The following MSH6 variants were observed in gnomAD, a reference collection of about 807,000 sequenced individuals.
The protein encoded by MSH6 is DNA mismatch repair protein Msh6.
Under a neutral mutation model 119.1 loss-of-function variants are expected in MSH6, and 85 were observed. The ratio of observed to expected loss-of-function variants is 0.71; its 90% CI spans 0.60 to 0.85. MSH6 has a LOEUF of 0.85. MSH6 is among the 40% of genes least tolerant of loss of function. The pLI is 0.00. For missense variants in MSH6, 2,163 were observed against 1,655.3 expected, an observed-to-expected ratio of 1.31 and a Z score of -5.32; for synonymous variants, 830 against 586.9, an observed-to-expected ratio of 1.41 and a Z score of -5.99.
At position 47,806,882 on chromosome 2, in the gene MSH6, G is replaced by C. The variant is rs2104588027; in HGVS notation, c.*22G>C. 1.3e-6 allele frequency: 2 copies of C among 1,556,270 alleles called. No individual in the cohort carries two copies. Among genetic ancestry groups the C allele is most frequent in the Non-Finnish European group, 1.8e-6 (2 of 1,128,222 alleles). The stretch of plus-strand genomic sequence containing the variant: ...ATAGACTGACTACATTGGAAGCTTT[G>C]AGTTGACTTCTGACAAAGGTGGTAA... On this transcript the variant is annotated 3_prime_UTR_variant, in exon 10 of 10. Transcript: ENST00000234420.
Position 47,800,558 on chromosome 2 carries a change from C to A in MSH6, c.2575C>A (p.Leu859Ile). The A allele has an allele frequency of 6.2e-7, 1 of 1,613,662 alleles. No homozygotes were observed. Among genetic ancestry groups the A allele is most frequent in the Non-Finnish European group, 8.5e-7 (1 of 1,179,954 alleles). ...TYSKKKIIDFLSALEGFKVMC... is the reference protein window; with the variant it reads ...TYSKKKIIDFISALEGFKVMC... ...CAGCAAGAAGAAGATTATTGATTTT[C>A]TTTCTGCTCTGGAAGGATTCAAAGT... Residue 859 changes from leucine (L) to isoleucine (I), a missense_variant, in exon 4 of 10, where the codon CTT (leucine) becomes ATT (isoleucine). Transcript: ENST00000234420.
rs267608139 is a variant in MSH6, at chr2:47,806,769, T to TA, written c.4002-8dup. 17 of 1,542,674 alleles carry TA rather than the reference T, an allele frequency of 1.1e-5. No individual in the cohort carries two copies. The African/African-American group carries it at 1.3e-4, about 12-fold the overall frequency. On this transcript the variant is annotated splice_polypyrimidine_tract_variant and intron_variant, in intron 9 of 9. Coordinates refer to ENST00000234420, the MANE Select transcript of MSH6 (RefSeq NM_000179.3). Reference sequence around the variant, plus strand: ...AAAAAAACTTTTTTTTTTTTTTTTTTAATTTTAAGGGAAGTTTGCCTGGCT... The same window carrying TA: ...AAAAAAACTTTTTTTTTTTTTTTTTTAAATTTTAAGGGAAGTTTGCCTGGCT...
rs780081278 is a variant in MSH6, at chr2:47,800,667, C to G, written c.2684C>G (p.Thr895Arg). Residue 895 changes from threonine (T) to arginine (R), a missense_variant, in exon 4 of 10, where the codon ACA becomes AGA. Physicochemically the swap from Thr to Arg is moderately conservative, Grantham distance 71. Coordinates refer to ENST00000234420, the MANE Select transcript of MSH6 (RefSeq NM_000179.3). ...KILKQVISLQ[T>R]KNPEGRFPDL... ...CTTAAGCAGGTCATCTCTCTGCAGA[C>G]AAAAAATCCTGAAGGTCGTTTTCCT... 4 of 1,614,112 alleles carry G rather than the reference C, an allele frequency of 2.5e-6. No individual in the cohort carries two copies. In the South Asian group the frequency reaches 3.3e-5, roughly 13 times the overall value.
intron 1 of MSH6, among the ~76,000 whole-genome samples, chr2:47,790,652 A>T (rs1668667475): frequency 6.6e-6 from 1 of 152,166 alleles, no homozygotes. Context: ...TTATACCAAA[A>T]TTCTGCCATG....
downstream of MSH6, chr2:47,809,740 C>G (rs768797614): frequency 1.4e-5 from 20 of 1,383,168 alleles, no homozygotes; most frequent in Non-Finnish European, 2.0e-5. Context: ...GTAGATACAT[C>G]ACTTTATACT....
downstream of MSH6, chr2:47,808,892 TC>T: frequency 3.1e-6 from 1 of 325,446 alleles, no homozygotes; most frequent in Non-Finnish European, 5.6e-6. Flanking sequence ...AGACAGGGTC[TC>T]CCTATGTTGC....
At chr2:47,794,729 T>C (rs1476300595) in intron 2 of MSH6, among the ~76,000 whole-genome samples, 2 of 152,176 alleles carry the variant, frequency 1.3e-5, no homozygotes, top group Middle Eastern at 3.2e-3. Flanking sequence ...CTAGTTGTCT[T>C]TGGGACAAAC....
intron 6 of MSH6, 65 bp from the exon 7 acceptor site, chr2:47,805,553 G>A (rs184719629): frequency 9.5e-7 from 1 of 1,051,662 alleles, no homozygotes; most frequent in Non-Finnish European, 1.5e-6. Flanking sequence ...ATATAACCTA[G>A]AAGATGAATT....
chr2:47,804,934 CAG>C lies in MSH6; in HGVS notation c.3465_3466del (p.Gln1155HisfsTer8), dbSNP rs757961815. 6.2e-7 allele frequency: 1 copy of C among 1,614,060 alleles called. No homozygotes were observed. The highest frequency in any genetic ancestry group is 8.5e-7 in the Non-Finnish European group (1 of 1,179,980). ...RQAGLLAVMA[Q>X]MGCYVPAEVC... ...GGCTGGCTTATTAGCTGTAATGGCC[CAG>C]ATGGGTTGTTACGTCCCTGCTGAAG... On this transcript the variant is annotated frameshift_variant, in exon 6 of 10. Transcript: ENST00000234420. LOFTEE classifies it high-confidence loss of function.
chr2:47,802,843 C>T (rs908004140), intron 4 of MSH6, among the ~76,000 whole-genome samples: 2 of 152,116 alleles, frequency 1.3e-5, no homozygotes, highest in Non-Finnish European at 2.9e-5. Context: ...GTTTTCATAT[C>T]AGTGTGCCAA....
chr2:47,793,043 G>A (rs1351549626), intron 2 of MSH6, among the ~76,000 whole-genome samples: 1 of 151,522 alleles, frequency 6.6e-6, no homozygotes, highest in East Asian at 1.9e-4. Context: ...CACTGGGGCC[G>A]GGCATGGTGG....
At chr2:47,784,386 G>A (rs781754362) in intron 1 of MSH6, 1 of 376,964 alleles carries the variant, frequency 2.7e-6, no homozygotes, top group Non-Finnish European at 3.6e-6. Flanking sequence ...TCGGGCGCTG[G>A]ACAAAGATGT....
intron 6 of MSH6, 38 bp downstream of exon 6, chr2:47,805,065 C>G (rs755081269): frequency 7.6e-7 from 1 of 1,310,474 alleles, no homozygotes; most frequent in Non-Finnish European, 1.1e-6. Context: ...CTCATTCAGT[C>G]ATTTAGATGT....
At chr2:47,805,505 T>C in intron 6 of MSH6, 113 bp from the exon 7 acceptor site, 1 of 806,822 alleles carries the variant, frequency 1.2e-6, no homozygotes, top group Non-Finnish European at 2.1e-6. Flanking sequence ...TTAATGAGAT[T>C]TAATCTTTTA....
chr2:47,806,886 T>TTGATTAAGGAATTATA lies in MSH6; in HGVS notation c.*26_*27insTGATTAAGGAATTATA. The TTGATTAAGGAATTATA allele has an allele frequency of 6.6e-7, 1 of 1,521,236 alleles. No individual in the cohort carries two copies. The highest frequency in any genetic ancestry group is 1.1e-5 in the South Asian group (1 of 88,986). The allele number at this position is 1,521,236 out of a possible 1,614,324, so 94.2% of individuals were successfully genotyped here. A position where few individuals can be genotyped will look rare whatever the true frequency, so the allele number is the denominator to read the frequency against. On this transcript the variant is annotated 3_prime_UTR_variant, in exon 10 of 10. Transcript: ENST00000234420. ...ACTGACTACATTGGAAGCTTTGAGTTGACTTCTGACAAAGGTGGTAAATTC... is the reference window on the plus strand; with the variant it reads ...ACTGACTACATTGGAAGCTTTGAGTTTGATTAAGGAATTATAGACTTCTGACAAAGGTGGTAAATTC...
rs786202520 is a variant in MSH6, at chr2:47,806,543, A to G, written c.3893A>G (p.Tyr1298Cys). 6 of 1,613,792 alleles carry G rather than the reference A, an allele frequency of 3.7e-6. No homozygotes were observed. The highest frequency in any genetic ancestry group is 2.7e-5 in the African/African-American group (2 of 74,914). ...KFIKGACPKS[Y>C]GFNAARLANL... ...ATTAAGGGAGCTTGTCCTAAAAGCT[A>G]TGGCTTTAATGCAGCAAGGCTTGCT... Residue 1298 changes from tyrosine to cysteine, a missense_variant, in exon 9 of 10, where the codon TAT becomes TGT. Transcript: ENST00000234420.
In MSH6 at chr2:47,798,881, C is replaced by T. The variant is rs779858670; in HGVS notation, c.898C>T (p.Arg300Trp). 8.7e-6 allele frequency: 14 copies of T among 1,614,006 alleles called. No individual in the cohort carries two copies. The highest frequency in any genetic ancestry group is 2.2e-5 in the South Asian group (2 of 91,072). ...LNSPVKVARKRKRMVTGNGSL... is the reference protein window; with the variant it reads ...LNSPVKVARKWKRMVTGNGSL... ...CAGCCCTGTCAAAGTTGCTCGAAAG[C>T]GGAAGAGAATGGTGACTGGAAATGG... Residue 300 changes from arginine (R) to tryptophan (W), a missense_variant, in exon 4 of 10, where the codon CGG becomes TGG. By Grantham distance (101) the Arg-to-Trp change is moderately radical. Coordinates refer to ENST00000234420, the MANE Select transcript of MSH6 (RefSeq NM_000179.3).
chr2:47,801,815 G>T (rs1022384842), intron 4 of MSH6, among the ~76,000 whole-genome samples: 1 of 151,726 alleles, frequency 6.6e-6, no homozygotes, highest in Non-Finnish European at 1.5e-5. Flanking sequence ...TATTTTTTTG[G>T]TGGGGGAAGG....
chr2:47,796,366 G>T (rs1669095818), intron 3 of MSH6, among the ~76,000 whole-genome samples: 1 of 152,062 alleles, frequency 6.6e-6, no homozygotes, highest in Non-Finnish European at 1.5e-5. Context: ...ATATATATAT[G>T]AGGGTATAGT....
Sources: allele counts gnomAD v4.1 joint callset (sites outside exome capture counted in the v4.1 genomes callset), GRCh38; gene constraint gnomAD v4.1.1; transcripts MANE v1.5; gene names NCBI Gene and HGNC (gene_info 2026-07-23, HGNC 2026-07-21).